TRPV1: variants seen among roughly 807,000 people sequenced by gnomAD.
TRPV1 encodes OTRPC1.
A neutral mutation model predicts 82.3 loss-of-function variants in TRPV1; 82 were observed. That is an observed-to-expected ratio of 1.00 (90% confidence interval 0.83 to 1.20). The LOEUF (loss-of-function observed/expected upper bound fraction) is 1.20, where lower values mean the gene tolerates loss of function less well. Ranked by LOEUF, TRPV1 falls within the 50% of genes most tolerant of loss-of-function variation. The pLI is 0.00. For missense variants in TRPV1, 1,067 were observed against 1,096.8 expected, an observed-to-expected ratio of 0.97 and a Z score of 0.38; for synonymous variants, 515 against 467.7, an observed-to-expected ratio of 1.10 and a Z score of -1.30.
chr17:3,606,694 G>C (rs1024413070), intron 2 of TRPV1, among the ~76,000 whole-genome samples: 1 of 152,178 alleles, frequency 6.6e-6, no homozygotes, highest in Non-Finnish European at 1.5e-5. Flanking sequence ...CCAGGCCTCA[G>C]GCAACGGAAG....
Position 3,588,168 on chromosome 17 carries a change from G to T in TRPV1, c.1224+20C>A. 3 of 1,547,438 alleles carry T rather than the reference G, an allele frequency of 1.9e-6. No homozygotes were observed. The highest frequency in any genetic ancestry group is 1.2e-5 in the South Asian group (1 of 84,044). On this transcript the variant is annotated intron_variant, in intron 8 of 16. Coordinates refer to ENST00000572705, the MANE Select transcript of TRPV1 (RefSeq NM_080704.4). The stretch of plus-strand genomic sequence containing the variant: ...TGCAGAGGCCCTGAGGCCCTCCCTG[G>T]CTGTGCCCCAGCCACTCACAGGGGT...
chr17:3,588,839 A>C, intron 7 of TRPV1: 1 of 1,385,920 alleles, frequency 7.2e-7, no homozygotes. Context: ...AACAAAACAC[A>C]CAAACGTCAA....
chr17:3,585,504 CCACACACT>C, intron 9 of TRPV1: 1 of 429,990 alleles, frequency 2.3e-6, no homozygotes, highest in South Asian at 2.9e-5. Flanking sequence ...ACCTGAGTCA[CCACACACT>C]CAGCCCCACA....
chr17:3,577,779 C>T lies in TRPV1; in HGVS notation c.1548-16G>A, dbSNP rs1443493761. The T allele has an allele frequency of 2.5e-6, 4 of 1,581,910 alleles. No individual in the cohort carries two copies. The highest frequency in any genetic ancestry group is 2.7e-5 in the African/African-American group (2 of 74,120). On this transcript the variant is annotated splice_polypyrimidine_tract_variant and intron_variant, in intron 11 of 16. Coordinates refer to ENST00000572705, the MANE Select transcript of TRPV1 (RefSeq NM_080704.4). Reference sequence around the variant, plus strand: ...CTGCAGAAAGCTGCGGGTGGAGGGGCAGAAAGCTCCGTCTACGGGAACCCA... The same window carrying T: ...CTGCAGAAAGCTGCGGGTGGAGGGGTAGAAAGCTCCGTCTACGGGAACCCA...
At chr17:3,569,745 A>G (rs1235220976) in intron 16 of TRPV1, among the ~76,000 whole-genome samples, 1 of 152,180 alleles carries the variant, frequency 6.6e-6, no homozygotes, top group East Asian at 1.9e-4. Flanking sequence ...GTGCTAGCTC[A>G]TGGTGTGACT....
intron 2 of TRPV1, among the ~76,000 whole-genome samples, chr17:3,602,516 A>T (rs1292060931): frequency 4.6e-5 from 7 of 152,196 alleles, no homozygotes; most frequent in Non-Finnish European, 7.3e-5. Flanking sequence ...GTAATGATGT[A>T]CCCATTAAAA....
chr17:3,572,948 A>G (rs1310996715), intron 14 of TRPV1, among the ~76,000 whole-genome samples: 1 of 144,410 alleles, frequency 6.9e-6, no homozygotes, highest in African/African-American at 2.6e-5. Context: ...ATGCCAATGC[A>G]CTCCAGCCTG....
chr17:3,598,668 C>G (rs971808978), intron 2 of TRPV1, among the ~76,000 whole-genome samples: 2 of 150,078 alleles, frequency 1.3e-5, no homozygotes, highest in African/African-American at 4.9e-5. Context: ...CAGGTTCAAG[C>G]AATTCTCCGG....
At chr17:3,581,949 G>A (rs1051423199) in intron 10 of TRPV1, among the ~76,000 whole-genome samples, 1 of 147,928 alleles carries the variant, frequency 6.8e-6, no homozygotes, top group Non-Finnish European at 1.5e-5. Context: ...CCAGCACTTT[G>A]GGAGGCCAAG....
At chr17:3,569,926 G>A (rs2074826033) in intron 16 of TRPV1, among the ~76,000 whole-genome samples, 1 of 150,714 alleles carries the variant, frequency 6.6e-6, no homozygotes, top group Admixed American at 6.6e-5. Context: ...AAGTGGTCAG[G>A]GAGGAGGGGC....
At chr17:3,569,123 T>TG (rs2074813818) in intron 16 of TRPV1, among the ~76,000 whole-genome samples, 1 of 134,616 alleles carries the variant, frequency 7.4e-6, no homozygotes, top group African/African-American at 2.9e-5. Context: ...GTTGTGGGGT[T>TG]GGGGGAGTGG....
intron 10 of TRPV1, among the ~76,000 whole-genome samples, chr17:3,582,106 C>T (rs1432641511): frequency 7.1e-6 from 1 of 141,214 alleles, no homozygotes; most frequent in Middle Eastern, 4.0e-3. Flanking sequence ...AGGAGAATGG[C>T]GTGAACCCAG....
chr17:3,575,075 CAA>C, intron 13 of TRPV1, among the ~76,000 whole-genome samples: 1 of 152,156 alleles, frequency 6.6e-6, no homozygotes, highest in East Asian at 1.9e-4. Context: ...TCCATGAAAA[CAA>C]AAGACTCCAT....
At chr17:3,600,906 C>G (rs2075257064) in intron 2 of TRPV1, among the ~76,000 whole-genome samples, 1 of 152,140 alleles carries the variant, frequency 6.6e-6, no homozygotes, top group Non-Finnish European at 1.5e-5. Flanking sequence ...CCTGGCCCCT[C>G]CCAAGGACCT....
intron 2 of TRPV1, chr17:3,601,874 A>T (rs1289052748): frequency 6.6e-6 from 1 of 151,848 alleles, no homozygotes; most frequent in Non-Finnish European, 1.5e-5. Context: ...GATTACAGAC[A>T]TGAGCTACCA....
intron 2 of TRPV1, among the ~76,000 whole-genome samples, chr17:3,604,306 G>A (rs371562805): frequency 1.9e-4 from 29 of 151,972 alleles, no homozygotes; most frequent in Admixed American, 3.3e-4. Flanking sequence ...TTCAGAAGAA[G>A]AGAAAAATAG....
intron 14 of TRPV1, 137 bp from the exon 15 acceptor site, chr17:3,572,386 C>G: frequency 9.1e-7 from 1 of 1,094,884 alleles, no homozygotes; most frequent in Non-Finnish European, 1.3e-6. Flanking sequence ...GTGCCCTCCA[C>G]GCTAGCTTTG....
intron 9 of TRPV1, among the ~76,000 whole-genome samples, chr17:3,584,571 C>T (rs997090953): frequency 1.3e-5 from 2 of 151,798 alleles, no homozygotes; most frequent in South Asian, 2.1e-4. Flanking sequence ...CCGAGGCAGG[C>T]GATCACTTGA....
chr17:3,588,671 G>A (rs1159473835), intron 7 of TRPV1, among the ~76,000 whole-genome samples: 10 of 151,966 alleles, frequency 6.6e-5, no homozygotes, highest in South Asian at 2.1e-4. Flanking sequence ...AAAATTAGCC[G>A]GGCATGGTGG....
Sources: allele counts gnomAD v4.1 joint callset (sites outside exome capture counted in the v4.1 genomes callset), GRCh38; gene constraint gnomAD v4.1.1; transcripts MANE v1.5; gene names NCBI Gene and HGNC (gene_info 2026-07-23, HGNC 2026-07-21).